Variants in MALRD1 observed in about 807,000 individuals in gnomAD.
The protein encoded by MALRD1 is MAM and LDL receptor class A domain containing 1, also known as MAM and LDL-receptor class A domain-containing protein 1.
In MALRD1, 247 loss-of-function variants were observed where a neutral mutation model predicts 242.1. That is an observed-to-expected ratio of 1.02 (90% CI 0.92 to 1.13). The LOEUF is 1.13. Ranked by LOEUF, MALRD1 falls within the 50% of genes most tolerant of loss-of-function variation. MALRD1 has a pLI of 0.00. For synonymous variants in MALRD1, 995 were observed against 866.6 expected (o/e 1.15, Z -2.60); for missense variants, 2,989 against 2,533.1 (o/e 1.18, Z -3.86).
At chr10:19,134,206 C>T (rs1833234059) in intron 9 of MALRD1, among the ~76,000 whole-genome samples, 1 of 152,118 alleles carries the variant, frequency 6.6e-6, no homozygotes, top group African/African-American at 2.4e-5. Flanking sequence ...TTTCTTGCTC[C>T]CCAGCACCAT....
At chr10:19,708,461 C>T (rs1335910066) in intron 38 of MALRD1, among the ~76,000 whole-genome samples, 1 of 113,078 alleles carries the variant, frequency 8.8e-6, no homozygotes, top group Non-Finnish European at 2.0e-5. Context: ...TCTTAGCCTC[C>T]TTAATAGCTG....
At chr10:19,623,642 CAA>C (rs1839507722) in intron 36 of MALRD1, among the ~76,000 whole-genome samples, 1 of 152,116 alleles carries the variant, frequency 6.6e-6, no homozygotes, top group Non-Finnish European at 1.5e-5. Context: ...TCCAAACTCC[CAA>C]GACTGACAAC....
At chr10:19,572,359 G>A (rs1014371795) in intron 33 of MALRD1, among the ~76,000 whole-genome samples, 1 of 152,190 alleles carries the variant, frequency 6.6e-6, no homozygotes, top group Non-Finnish European at 1.5e-5. Flanking sequence ...CTGTCTCCAT[G>A]AGGAAGAAAC....
At chr10:19,595,833 A>G (rs1281798381) in intron 34 of MALRD1, among the ~76,000 whole-genome samples, 2 of 152,178 alleles carry the variant, frequency 1.3e-5, no homozygotes, top group African/African-American at 2.4e-5. Flanking sequence ...TAAAGGGCAT[A>G]TTGATAGAGA....
chr10:19,400,405 A>T (rs1411979835), intron 28 of MALRD1, among the ~76,000 whole-genome samples: 4 of 152,144 alleles, frequency 2.6e-5, no homozygotes, highest in Non-Finnish European at 5.9e-5. Context: ...TGGCACTGCT[A>T]TGCTGCATGA....
At chr10:19,699,857 A>T (rs1833544467) in intron 38 of MALRD1, among the ~76,000 whole-genome samples, 1 of 152,052 alleles carries the variant, frequency 6.6e-6, no homozygotes, top group Non-Finnish European at 1.5e-5. Context: ...GTCATGAGGG[A>T]TCTGCTCCCA....
intron 24 of MALRD1, among the ~76,000 whole-genome samples, chr10:19,333,187 T>G (rs1227647739): frequency 6.6e-6 from 1 of 152,132 alleles, no homozygotes; most frequent in Admixed American, 6.6e-5. Flanking sequence ...CAGTGGTACA[T>G]TTGCAGGTTT....
rs72638791 is a variant in MALRD1 at position 19,435,542 on chromosome 10, A to G, written c.4846-14765A>G. Among the ~76,000 whole-genome samples, 352 of 152,232 alleles carry G rather than the reference A, an allele frequency of 2.3e-3. 12 individuals carry two copies. The East Asian group carries it at 0.064, about 28-fold the overall frequency. On this transcript the variant is annotated intron_variant, in intron 28 of 39. Coordinates refer to ENST00000454679, the MANE Select transcript of MALRD1 (RefSeq NM_001142308.3). ...TGATCAGGTATTTTTTAGAATGCCCATTAATTGGTATTTAATCTGATGCTT... is the reference window on the plus strand; with the variant it reads ...TGATCAGGTATTTTTTAGAATGCCCGTTAATTGGTATTTAATCTGATGCTT...
chr10:19,231,269 A>C (rs939255115), intron 18 of MALRD1, among the ~76,000 whole-genome samples: 1 of 152,164 alleles, frequency 6.6e-6, no homozygotes, highest in African/African-American at 2.4e-5. Flanking sequence ...TGACTGCCTC[A>C]CATCTCAACT....
intron 11 of MALRD1, among the ~76,000 whole-genome samples, chr10:19,147,053 C>T (rs147793366): frequency 2.6e-5 from 4 of 152,172 alleles, no homozygotes; most frequent in Non-Finnish European, 4.4e-5. Flanking sequence ...AAGAGTGTCT[C>T]GCCATGTTGC....
chr10:19,103,711 T>C (rs554246782), intron 4 of MALRD1, among the ~76,000 whole-genome samples: 1 of 152,254 alleles, frequency 6.6e-6, no homozygotes, highest in Admixed American at 6.5e-5. Context: ...GAGATGGTTG[T>C]AGGGAAAAAT....
intron 36 of MALRD1, among the ~76,000 whole-genome samples, chr10:19,655,941 T>A (rs959857412): frequency 3.9e-5 from 6 of 152,150 alleles, no homozygotes; most frequent in African/African-American, 1.4e-4. Context: ...CTGGCTCTGA[T>A]GCTGTCTAGC....
intron 38 of MALRD1, among the ~76,000 whole-genome samples, chr10:19,718,026 AAATAAAGAGGAAGAAG>A (rs1165088625): frequency 1.2e-3 from 176 of 151,266 alleles, no homozygotes; most frequent in African/African-American, 4.1e-3. Context: ...ATAAATAAAT[AAATAAAGAGGAAGAAG>A]AAGAGGAAGA....
At chr10:19,135,294 A>T (rs1318067915) in intron 9 of MALRD1, among the ~76,000 whole-genome samples, 1 of 152,150 alleles carries the variant, frequency 6.6e-6, no homozygotes, top group East Asian at 1.9e-4. Flanking sequence ...AGCTGGGACT[A>T]CAGGCATGTG....
chr10:19,547,609 C>T (rs1042843011), intron 32 of MALRD1, among the ~76,000 whole-genome samples: 1 of 150,804 alleles, frequency 6.6e-6, no homozygotes, highest in Middle Eastern at 3.4e-3. Flanking sequence ...TCTATATTAG[C>T]TCCTTTTTTC....
chr10:19,547,781 GATACATATATATATATATATATATAT>G (rs1835273092), intron 32 of MALRD1, among the ~76,000 whole-genome samples: 1 of 37,550 alleles, frequency 2.7e-5, no homozygotes. Context: ...GAACTTCACA[GATACATATATATATATATATATATAT>G]ATATATATAT....
At chr10:19,171,847 CACATACATATATAT>C (rs1358996055) in intron 13 of MALRD1, among the ~76,000 whole-genome samples, 1 of 141,866 alleles carries the variant, frequency 7.0e-6, no homozygotes, top group Non-Finnish European at 1.5e-5. Context: ...CACATATATA[CACATACATATATAT>C]ACATATATAC....
chr10:19,256,378 T>C (rs980001538), intron 18 of MALRD1, among the ~76,000 whole-genome samples: 5 of 152,146 alleles, frequency 3.3e-5, no homozygotes, highest in Non-Finnish European at 5.9e-5. Flanking sequence ...TTTAGGTTTA[T>C]TGAAAATAAT....
rs1834094638 is a variant in MALRD1 at position 19,155,157 on chromosome 10, C to A, written c.1641C>A (p.Ala547=). The change falls in exon 12 of 40, where the codon GCC becomes GCA. Residue 547 remains alanine (A), a synonymous_variant. Transcript: ENST00000454679. ...GSPVLTKLLT[A]STPCQVQFWY... is the part of the protein sequence containing the mutation. ...CTGTTCTTACAAAATTGCTCACTGC[C>A]TCTACCCCATGTCAGGTAATCAACT... is the stretch of plus-strand genomic sequence containing the variant. 8.1e-7 allele frequency: 1 copy of A among 1,231,378 alleles called. No individual in the cohort carries two copies. Among genetic ancestry groups the A allele is most frequent in the Non-Finnish European group, 1.0e-6 (1 of 987,718 alleles). 76.3% of individuals were successfully genotyped at this position (1,231,378 alleles called of 1,614,324 possible).
Sources: gnomAD v4.1 joint callset for allele counts (sites outside exome capture counted in the v4.1 genomes callset) on GRCh38, gnomAD v4.1.1 for gene constraint, MANE v1.5 for transcripts, NCBI Gene and HGNC (gene_info 2026-07-23, HGNC 2026-07-21) for gene names.